The following ST7L variants were observed in gnomAD, a reference collection of about 807,000 sequenced individuals.
ST7L encodes suppressor of tumorigenicity 7 protein-like.
Under a neutral mutation model 72.5 loss-of-function variants are expected in ST7L, and 57 were observed. That is an observed-to-expected ratio of 0.79 (90% CI 0.64 to 0.98). The LOEUF (loss-of-function observed/expected upper bound fraction) is 0.98. Ranked by LOEUF, ST7L falls within the 50% of genes least tolerant of loss-of-function variation. The pLI, the probability that ST7L is intolerant of heterozygous loss-of-function variation, is 0.00. For synonymous variants in ST7L, 221 were observed against 240.9 expected (o/e 0.92, Z 0.77); for missense variants, 576 against 672.2 (o/e 0.86, Z 1.58).
At chr1:112,593,030 ACAGTATAAT>A (rs144956899) in intron 5 of ST7L, among the ~76,000 whole-genome samples, 147 of 152,306 alleles carry the variant, frequency 9.7e-4, no homozygotes, top group African/African-American at 3.2e-3. Context: ...GCAGTGTAAC[ACAGTATAAT>A]CAGTCTTTGC....
intron 11 of ST7L, among the ~76,000 whole-genome samples, chr1:112,566,518 C>T (rs755450427): frequency 3.3e-5 from 5 of 151,890 alleles, no homozygotes; most frequent in Non-Finnish European, 5.9e-5. Context: ...AGGCTGGTCT[C>T]GAACTCCTGA....
Position 112,550,816 on chromosome 1 carries a change from G to A in ST7L, c.1397-123C>T, listed in dbSNP as rs778908373. The A allele has an allele frequency of 4.5e-6, 3 of 664,824 alleles. No homozygotes were observed. In the South Asian group the frequency reaches 6.1e-5, roughly 13 times the overall value. 41.2% of individuals were successfully genotyped at this position (664,824 alleles called of 1,614,324 possible). On this transcript the variant is annotated intron_variant, in intron 12 of 14. Coordinates refer to ENST00000358039, the MANE Select transcript of ST7L (RefSeq NM_017744.5). ...TTTTTTTAGTGAGACATTTAGATAC[G>A]AGAAACAAAGTAAGCAAAATAATAA...
intron 2 of ST7L, among the ~76,000 whole-genome samples, chr1:112,615,573 G>A (rs1304354788): frequency 6.6e-6 from 1 of 152,158 alleles, no homozygotes; most frequent in Non-Finnish European, 1.5e-5. Context: ...TACTAGGGAG[G>A]CTGAGACGGG....
chr1:112,594,260 A>T (rs929026281), intron 5 of ST7L, among the ~76,000 whole-genome samples: 10 of 152,048 alleles, frequency 6.6e-5, no homozygotes, highest in Non-Finnish European at 1.2e-4. Flanking sequence ...GAATCTTACA[A>T]GATGTACTGC....
chr1:112,544,017 T>C (rs909030116), intron 13 of ST7L, among the ~76,000 whole-genome samples: 2 of 152,216 alleles, frequency 1.3e-5, no homozygotes, highest in Non-Finnish European at 2.9e-5. Flanking sequence ...TTATCAATTA[T>C]ACTCAAGTAT....
chr1:112,519,529 T>C (rs1160043924), downstream of ST7L, among the ~76,000 whole-genome samples: 1 of 152,178 alleles, frequency 6.6e-6, no homozygotes, highest in East Asian at 1.9e-4. Context: ...TCTCTTTTGC[T>C]AAAATCAGTC....
intron 11 of ST7L, among the ~76,000 whole-genome samples, chr1:112,574,278 A>G (rs574460283): frequency 7.1e-6 from 1 of 140,456 alleles, no homozygotes; most frequent in African/African-American, 2.7e-5. Flanking sequence ...GTGTAATGGC[A>G]CTATCTCGGC....
intron 11 of ST7L, among the ~76,000 whole-genome samples, chr1:112,569,207 C>T (rs914482903): frequency 6.6e-6 from 1 of 152,142 alleles, no homozygotes; most frequent in Non-Finnish European, 1.5e-5. Context: ...CTACCAGTTC[C>T]ACTTCTAGGT....
At chr1:112,521,327 T>TC (rs1652869002), downstream of ST7L, 3 of 147,010 alleles carry the variant, frequency 2.0e-5, no homozygotes, top group South Asian at 4.3e-4. Context: ...TTTTTTTTTT[T>TC]TTTTCTTTTC....
intron 2 of ST7L, among the ~76,000 whole-genome samples, chr1:112,611,370 C>A (rs1669043673): frequency 6.6e-6 from 1 of 152,182 alleles, no homozygotes; most frequent in Admixed American, 6.6e-5. Context: ...GATGAACAGA[C>A]TAGACTAGCA....
downstream of ST7L, among the ~76,000 whole-genome samples, chr1:112,519,997 G>C (rs1464911686): frequency 6.6e-6 from 1 of 150,670 alleles, no homozygotes; most frequent in Non-Finnish European, 1.5e-5. Context: ...TCAGCCTCCT[G>C]AGTATCTAGG....
At chr1:112,553,233 A>AACACAC (rs71584746) in intron 12 of ST7L, among the ~76,000 whole-genome samples, 5,927 of 149,460 alleles carry the variant, frequency 0.04, 217 homozygotes, top group Admixed American at 0.094. Flanking sequence ...CTTTTCTTTA[A>AACACAC]ACACACACAC....
intron 13 of ST7L, among the ~76,000 whole-genome samples, chr1:112,545,925 C>T (rs1019439178): frequency 1.3e-5 from 2 of 152,070 alleles, no homozygotes; most frequent in Non-Finnish European, 2.9e-5. Context: ...ATATGAGGAC[C>T]GCTGGCAATT....
chr1:112,541,944 T>C lies in ST7L; in HGVS notation c.1629+7A>G, dbSNP rs776376925. On this transcript the variant is annotated splice_region_variant and intron_variant, in intron 14 of 14. Coordinates refer to ENST00000358039, the MANE Select transcript of ST7L (RefSeq NM_017744.5). ...TAATCTACACAAGTCCTTGAGATCA[T>C]ACTTACAGCTTTAGCAAAAATACCC... is the stretch of plus-strand genomic sequence containing the variant. The C allele has an allele frequency of 1.1e-5, 18 of 1,613,380 alleles. No homozygotes were observed. Among genetic ancestry groups the C allele is most frequent in the East Asian group, 2.2e-5 (1 of 44,810 alleles).
At position 112,597,985 on chromosome 1, in the gene ST7L, C is replaced by T. The variant is rs762304740; in HGVS notation, c.608G>A (p.Arg203His). The T allele has an allele frequency of 2.0e-5, 32 of 1,611,930 alleles. No individual in the cohort carries two copies. Among genetic ancestry groups the T allele is most frequent in the Admixed American group, 1.2e-4 (7 of 59,808 alleles). ...ATGATACATACCTGTGTCTGAAGGA[C>T]GTAAAAAATCTGTGTCACAGGTGAA... is the stretch of plus-strand genomic sequence containing the variant. ...TFFTCDTDFL[R>H]PSDTVMQKAW... Residue 203 changes from arginine to histidine, a missense_variant, in exon 5 of 15, where the codon CGT becomes CAT. Arg to His is a conservative substitution (Grantham distance 29). Around this residue, in one of 3 missense-constraint regions of ST7L, gnomAD observed 511 missense variants for 600.7 expected, o/e 0.85. Transcript: ENST00000358039.
At position 112,525,849 on chromosome 1, in the gene ST7L, G is replaced by C. The variant is rs147919324; in HGVS notation, c.*164C>G. On this transcript the variant is annotated 3_prime_UTR_variant, in exon 15 of 15. Transcript: ENST00000358039. The stretch of plus-strand genomic sequence containing the variant: ...TTTTGACAGCTTCCAAGGGGGGTTT[G>C]CCTAGGAATAACAATATTCATAAGA... 4,714 of 910,676 alleles carry C rather than the reference G, an allele frequency of 5.2e-3. 145 individuals carry two copies. In the African/African-American group the frequency reaches 0.068, roughly 13 times the overall value. The allele number at this position is 910,676 out of a possible 1,614,324, so 56.4% of individuals were successfully genotyped here.
At position 112,532,758 on chromosome 1, in the gene ST7L, A is replaced by C. The variant is rs190358381; in HGVS notation, c.1630-6647T>G. ...GCTACTGTCAAGACAGACTTAAGAC[A>C]ATCTTAATGTTATTACAGAACAAAG... On this transcript the variant is annotated intron_variant, in intron 14 of 14. Coordinates refer to ENST00000358039, the MANE Select transcript of ST7L (RefSeq NM_017744.5). 5.3e-4 allele frequency among the ~76,000 whole-genome samples: 80 copies of C among 152,346 alleles called. 1 individual carries two copies. Among genetic ancestry groups the C allele is most frequent in the African/African-American group, 1.8e-3 (74 of 41,578 alleles).
chr1:112,548,612 C>A (rs1443409425), intron 13 of ST7L, among the ~76,000 whole-genome samples: 3 of 152,150 alleles, frequency 2.0e-5, no homozygotes, highest in African/African-American at 7.2e-5. Context: ...ATTTTCCTTC[C>A]TAGACTTCAG....
At chr1:112,574,463 T>G (rs1662741610) in intron 11 of ST7L, among the ~76,000 whole-genome samples, 2 of 151,606 alleles carry the variant, frequency 1.3e-5, no homozygotes, top group South Asian at 2.1e-4. Flanking sequence ...ATCGAGACCA[T>G]CCTGGCTAAC....
Sources: gnomAD v4.1 joint callset for allele counts (sites outside exome capture counted in the v4.1 genomes callset) on GRCh38, gnomAD v4.1.1 for gene constraint, gnomAD v4.1.1 regional missense constraint, MANE v1.5 for transcripts, NCBI Gene and HGNC (gene_info 2026-07-23, HGNC 2026-07-21) for gene names.